Variants in FHIT observed in about 807,000 individuals in gnomAD.
FHIT encodes the protein fragile histidine triad diadenosine triphosphatase, also known as bis(5'-adenosyl)-triphosphatase.
A neutral mutation model predicts 17.9 loss-of-function variants in FHIT; 19 were observed. The observed-to-expected ratio is 1.06, with a 90% CI of 0.74 to 1.56. The LOEUF is 1.56. Among genes scored for constraint, FHIT ranks in the 40% most tolerant of loss-of-function variants. The probability of loss-of-function intolerance (pLI) is 0.00; values close to 1 mark genes in which losing one functional copy is unlikely to be tolerated. For synonymous variants in FHIT, 81 were observed against 69.7 expected (o/e 1.16, Z -0.81); for missense variants, 248 against 189.2 (o/e 1.31, Z -1.82).
chr3:60,137,420 T>C (rs982818003), intron 5 of FHIT, among the ~76,000 whole-genome samples: 6 of 152,206 alleles, frequency 3.9e-5, no homozygotes, highest in South Asian at 2.1e-4. Flanking sequence ...AGCAAAACTT[T>C]AGAAAACTAA....
At chr3:61,173,140 C>T (rs994426071) in intron 2 of FHIT, among the ~76,000 whole-genome samples, 2 of 152,100 alleles carry the variant, frequency 1.3e-5, no homozygotes, top group Admixed American at 6.6e-5. Flanking sequence ...TTTTTAAAAA[C>T]AGTTTACAGA....
At chr3:60,490,840 C>T (rs2034032929) in intron 5 of FHIT, among the ~76,000 whole-genome samples, 1 of 152,150 alleles carries the variant, frequency 6.6e-6, no homozygotes, top group Non-Finnish European at 1.5e-5. Context: ...CATCATGCTA[C>T]TTTGCAGGTG....
chr3:59,978,096 G>A (rs1559515077), intron 7 of FHIT, among the ~76,000 whole-genome samples: 1 of 152,052 alleles, frequency 6.6e-6, no homozygotes, highest in African/African-American at 2.4e-5. Context: ...TAAACCTGTG[G>A]GTAAGTATTA....
chr3:59,767,394 G>A (rs1701855764), intron 8 of FHIT, among the ~76,000 whole-genome samples: 1 of 152,108 alleles, frequency 6.6e-6, no homozygotes, highest in Admixed American at 6.5e-5. Context: ...AGTTATTCGG[G>A]AGGCTGAGGC....
At chr3:60,525,930 T>A (rs1236956413) in intron 5 of FHIT, among the ~76,000 whole-genome samples, 1 of 151,942 alleles carries the variant, frequency 6.6e-6, no homozygotes, top group Non-Finnish European at 1.5e-5. Context: ...TGGTGAAACC[T>A]TGTCTCTACA....
chr3:60,064,718 G>A (rs1702427961), intron 5 of FHIT, among the ~76,000 whole-genome samples: 1 of 152,190 alleles, frequency 6.6e-6, no homozygotes, highest in Admixed American at 6.5e-5. Context: ...TGGTCAAAGA[G>A]TATTTAGGAT....
At chr3:61,164,868 G>C (rs1411565425) in intron 2 of FHIT, among the ~76,000 whole-genome samples, 1 of 152,106 alleles carries the variant, frequency 6.6e-6, no homozygotes, top group Admixed American at 6.6e-5. Context: ...CCAACATTTA[G>C]CTCCCACTTA....
At chr3:59,775,547 C>T (rs1702268418) in intron 8 of FHIT, among the ~76,000 whole-genome samples, 1 of 152,024 alleles carries the variant, frequency 6.6e-6, no homozygotes, top group South Asian at 2.1e-4. Flanking sequence ...ATCTCCCACT[C>T]ATATTATAAA....
intron 4 of FHIT, among the ~76,000 whole-genome samples, chr3:60,722,834 T>A (rs1184635318): frequency 2.0e-5 from 3 of 151,382 alleles, no homozygotes; most frequent in African/African-American, 7.3e-5. Flanking sequence ...ATGATTCTCC[T>A]GCCTCAGCCT....
At chr3:61,215,541 A>G (rs1385642821) in intron 1 of FHIT, among the ~76,000 whole-genome samples, 6 of 152,224 alleles carry the variant, frequency 3.9e-5, no homozygotes, top group Non-Finnish European at 7.3e-5. Flanking sequence ...GGTAGGAAGA[A>G]TCAATATCAT....
chr3:60,141,365 G>C (rs532979029), intron 5 of FHIT, among the ~76,000 whole-genome samples: 1 of 148,476 alleles, frequency 6.7e-6, no homozygotes, highest in Admixed American at 6.7e-5. Flanking sequence ...TAATGATATT[G>C]AGACAGCATG....
intron 4 of FHIT, among the ~76,000 whole-genome samples, chr3:60,814,740 G>T (rs1221103974): frequency 6.6e-6 from 1 of 152,092 alleles, no homozygotes; most frequent in Non-Finnish European, 1.5e-5. Context: ...GGAATTGCTG[G>T]ATCGAATGGT....
chr3:60,588,615 C>T (rs2037981599), intron 4 of FHIT, among the ~76,000 whole-genome samples: 3 of 152,016 alleles, frequency 2.0e-5, no homozygotes. Context: ...TCCAAGACTG[C>T]ATTTGCACAC....
chr3:60,447,623 A>C (rs992577809), intron 5 of FHIT, among the ~76,000 whole-genome samples: 4 of 152,156 alleles, frequency 2.6e-5, no homozygotes, highest in Admixed American at 6.6e-5. Context: ...TTGATGGTAG[A>C]TGGACACTAG....
chr3:59,960,710 T>C (rs1337555769), intron 7 of FHIT, among the ~76,000 whole-genome samples: 2 of 152,246 alleles, frequency 1.3e-5, no homozygotes, highest in African/African-American at 4.8e-5. Context: ...CCTTTTGTTA[T>C]GAGCATCTGC....
chr3:60,011,527 G>A, intron 6 of FHIT, 127 bp from the exon 7 acceptor site: 1 of 813,318 alleles, frequency 1.2e-6, no homozygotes, highest in Non-Finnish European at 2.1e-6. Context: ...ATTCTCATGG[G>A]GACCATTGGC....
chr3:60,390,396 T>TAAAAAAA (rs869078939), intron 5 of FHIT, among the ~76,000 whole-genome samples: 14 of 32,030 alleles, frequency 4.4e-4, no homozygotes, highest in African/African-American at 6.1e-4. Flanking sequence ...GTAATGGAGC[T>TAAAAAAA]AAAAAAAAAA....
chr3:60,058,956 G>C (rs1251690961), intron 5 of FHIT, among the ~76,000 whole-genome samples: 1 of 152,170 alleles, frequency 6.6e-6, no homozygotes, highest in Non-Finnish European at 1.5e-5. Flanking sequence ...GTCAAATACA[G>C]GTTGATCTTC....
chr3:60,636,587 A>G (rs1553683953), intron 4 of FHIT, among the ~76,000 whole-genome samples: 2 of 152,136 alleles, frequency 1.3e-5, no homozygotes, highest in Non-Finnish European at 1.5e-5. Context: ...AATGCTGAAA[A>G]TTTTGTGTTA....
Sources: allele counts gnomAD v4.1 joint callset (sites outside exome capture counted in the v4.1 genomes callset), GRCh38; gene constraint gnomAD v4.1.1; transcripts MANE v1.5; gene names NCBI Gene and HGNC (gene_info 2026-07-23, HGNC 2026-07-21).